CRISPLD2: variants seen among roughly 807,000 people sequenced by gnomAD.
The protein encoded by CRISPLD2 is cysteine rich secretory protein LCCL domain containing 2, also known as cysteine-rich secretory protein LCCL domain-containing 2.
A neutral mutation model predicts 71.1 loss-of-function variants in CRISPLD2; 47 were observed. The observed-to-expected ratio is 0.66, with a 90% CI of 0.52 to 0.84. CRISPLD2 has a LOEUF of 0.84. CRISPLD2 is among the 40% of genes least tolerant of loss of function. The probability of loss-of-function intolerance (pLI) is 0.00; values close to 1 mark genes in which losing one functional copy is unlikely to be tolerated. For synonymous variants in CRISPLD2, 317 were observed against 250.1 expected (o/e 1.27, Z -2.52); for missense variants, 830 against 651.1 (o/e 1.27, Z -2.99).
intron 3 of CRISPLD2, among the ~76,000 whole-genome samples, chr16:84,847,220 G>A (rs532944360): frequency 6.6e-6 from 1 of 152,166 alleles, no homozygotes; most frequent in African/African-American, 2.4e-5. Flanking sequence ...ACTGGGCCAC[G>A]GGCAGCCGCA....
At chr16:84,836,445 C>T (rs1597448815) in intron 1 of CRISPLD2, 1 of 152,352 alleles carries the variant, frequency 6.6e-6, no homozygotes, top group South Asian at 2.1e-4. Context: ...AGTAAGCACG[C>T]AGAGGTCCTC....
At chr16:84,893,332 G>T (rs1321848038) in intron 14 of CRISPLD2, among the ~76,000 whole-genome samples, 2 of 152,210 alleles carry the variant, frequency 1.3e-5, no homozygotes, top group Non-Finnish European at 2.9e-5. Flanking sequence ...AACTTCAAAA[G>T]ATGCCATGGT....
chr16:84,879,233 A>G (rs2071547004), intron 12 of CRISPLD2, among the ~76,000 whole-genome samples: 1 of 152,278 alleles, frequency 6.6e-6, no homozygotes, highest in African/African-American at 2.4e-5. Context: ...GAGAAGCAGA[A>G]GGAAAGAATT....
intron 14 of CRISPLD2, among the ~76,000 whole-genome samples, chr16:84,896,498 A>G (rs987334135): frequency 6.6e-6 from 1 of 152,232 alleles, no homozygotes; most frequent in Non-Finnish European, 1.5e-5. Flanking sequence ...ATATGTATTC[A>G]GCAAAAACCA....
At position 84,872,202 on chromosome 16, in the gene CRISPLD2, G is replaced by C. The variant is rs142734130; in HGVS notation, c.915-240G>C. Among the ~76,000 whole-genome samples the C allele has an allele frequency of 2.1e-3, 320 of 152,210 alleles. 2 individuals carry two copies. Among genetic ancestry groups the C allele is most frequent in the African/African-American group, 7.3e-3 (305 of 41,528 alleles). ...AGGGACTCGAGCATCTGCAGACTTT[G>C]GTATCCTAGGGAAGTTCTGGAACCA... On this transcript the variant is annotated intron_variant, in intron 8 of 14. Transcript: ENST00000262424.
intron 6 of CRISPLD2, among the ~76,000 whole-genome samples, chr16:84,858,777 G>C (rs1386037777): frequency 6.6e-6 from 1 of 152,238 alleles, no homozygotes; most frequent in African/African-American, 2.4e-5. Context: ...CTTCTGGTGG[G>C]TCTTACGGAC....
In CRISPLD2 at chr16:84,906,797, A is replaced by T; in HGVS notation, c.*155A>T. ...CTTTGTGGCCTGTGGGTGAGGTGAC[A>T]TCTCATCCCCTCACTGAAGCAACAG... On this transcript the variant is annotated 3_prime_UTR_variant, in exon 15 of 15. Transcript: ENST00000262424. 2.3e-6 allele frequency: 2 copies of T among 852,002 alleles called. No individual in the cohort carries two copies. The allele number at this position is 852,002 out of a possible 1,614,324, so 52.8% of individuals were successfully genotyped here. A position where few individuals can be genotyped will look rare whatever the true frequency, so the allele number is the denominator to read the frequency against.
chr16:84,901,483 T>C lies in CRISPLD2; in HGVS notation c.1440-5105T>C, dbSNP rs1184682374. Among the ~76,000 whole-genome samples the C allele has an allele frequency of 2.6e-5, 4 of 151,168 alleles. No homozygotes were observed. The East Asian group carries it at 7.7e-4, about 29-fold the overall frequency. ...CCTGGCTGCACTTTTTTTTTTTTTT[T>C]TTTTTTGACGCAGAGTCTCCCTGTG... On this transcript the variant is annotated intron_variant, in intron 14 of 14. Coordinates refer to ENST00000262424, the MANE Select transcript of CRISPLD2 (RefSeq NM_031476.4).
intron 14 of CRISPLD2, among the ~76,000 whole-genome samples, chr16:84,905,605 G>C (rs967271774): frequency 6.6e-5 from 10 of 151,966 alleles, no homozygotes; most frequent in African/African-American, 2.2e-4. Flanking sequence ...TGGCCAGACT[G>C]GTCTCGAATT....
At chr16:84,848,972 C>A (rs1457246185) in intron 3 of CRISPLD2, among the ~76,000 whole-genome samples, 2 of 121,262 alleles carry the variant, frequency 1.6e-5, no homozygotes, top group Non-Finnish European at 3.3e-5. Flanking sequence ...GGCGACAGAG[C>A]GAGACTCCGT....
intron 6 of CRISPLD2, among the ~76,000 whole-genome samples, chr16:84,858,911 G>A (rs956778230): frequency 6.6e-6 from 1 of 151,906 alleles, no homozygotes; most frequent in Non-Finnish European, 1.5e-5. Context: ...TCACCACTTG[G>A]TTAAGCTTGC....
At chr16:84,872,401 C>T (rs759944232) in intron 8 of CRISPLD2, 41 bp from the exon 9 acceptor site, 29 of 1,516,934 alleles carry the variant, frequency 1.9e-5, no homozygotes, top group Non-Finnish European at 2.6e-5. Context: ...ATGTAATCAA[C>T]GTGCTTATCT....
intron 5 of CRISPLD2, among the ~76,000 whole-genome samples, chr16:84,854,379 G>T (rs759831366): frequency 6.6e-6 from 1 of 152,128 alleles, no homozygotes; most frequent in Non-Finnish European, 1.5e-5. Context: ...GGGGGTCCTG[G>T]CAGCTTTTCA....
intron 6 of CRISPLD2, among the ~76,000 whole-genome samples, chr16:84,855,580 C>T (rs995760089): frequency 6.6e-6 from 1 of 152,196 alleles, no homozygotes; most frequent in African/African-American, 2.4e-5. Context: ...TCTGCCTCTC[C>T]CAGCCCACTG....
At chr16:84,890,000 T>C (rs542534712) in intron 14 of CRISPLD2, among the ~76,000 whole-genome samples, 1 of 152,222 alleles carries the variant, frequency 6.6e-6, no homozygotes, top group African/African-American at 2.4e-5. Context: ...ATAGGGATAA[T>C]CATAAACCCT....
In CRISPLD2 at chr16:84,850,670, A is replaced by G. The variant is rs1917063518; in HGVS notation, c.595A>G (p.Asn199Asp). Residue 199 changes from asparagine (N) to aspartate (D), a missense_variant, in exon 5 of 15, where the codon AAT becomes GAT. Asn to Asp is a conservative substitution (Grantham distance 23). Transcript: ENST00000262424. ...GGAGAACGCGGTCTACTTTGTCTGC[A>G]ATTATTCTCCAAAGTAAGACAAGTT... Reference protein sequence around the residue: ...VWENAVYFVCNYSPKGNWIGE... With the variant: ...VWENAVYFVCDYSPKGNWIGE... The G allele has an allele frequency of 9.3e-6, 15 of 1,613,702 alleles. No individual in the cohort carries two copies. In the East Asian group the frequency reaches 3.1e-4, roughly 34 times the overall value.
chr16:84,828,874 A>G (rs926535124), intron 1 of CRISPLD2: 1 of 152,150 alleles, frequency 6.6e-6, no homozygotes, highest in Non-Finnish European at 1.5e-5. Context: ...TGCTCAATTA[A>G]GCATCCAGAC....
chr16:84,865,456 C>G (rs540216898), intron 6 of CRISPLD2, among the ~76,000 whole-genome samples: 1 of 152,274 alleles, frequency 6.6e-6, no homozygotes, highest in Admixed American at 6.5e-5. Context: ...ACACCTGGCC[C>G]TGAAACTTGG....
chr16:84,908,202 A>C lies in CRISPLD2; in HGVS notation c.*1560A>C, dbSNP rs1888784915. ...GGTAAATAGGTTTAAAACAAAACAA[A>C]AACCCACCCCTTTAAGGAGTTGGTA... is the stretch of plus-strand genomic sequence containing the variant. On this transcript the variant is annotated 3_prime_UTR_variant, in exon 15 of 15. Transcript: ENST00000262424. The C allele has an allele frequency of 6.6e-6, 1 of 152,252 alleles. No homozygotes were observed. Among genetic ancestry groups the C allele is most frequent in the Non-Finnish European group, 1.5e-5 (1 of 68,046 alleles). 9.4% of individuals were successfully genotyped at this position (152,252 alleles called of 1,614,324 possible). A position where few individuals can be genotyped will look rare whatever the true frequency, so the allele number is the denominator to read the frequency against.
Sources: allele counts gnomAD v4.1 joint callset (sites outside exome capture counted in the v4.1 genomes callset), GRCh38; gene constraint gnomAD v4.1.1; transcripts MANE v1.5; gene names NCBI Gene and HGNC (gene_info 2026-07-23, HGNC 2026-07-21).